Variants in NUTM1 observed in about 807,000 individuals in gnomAD.
The protein encoded by NUTM1 is NUT midline carcinoma family member 1.
In NUTM1, 39 loss-of-function variants were observed where a neutral mutation model predicts 88.7. That is an observed-to-expected ratio of 0.44 (90% CI 0.34 to 0.57). NUTM1 has a LOEUF of 0.57. NUTM1 is among the 20% of genes least tolerant of loss of function. The probability of loss-of-function intolerance (pLI) is 0.01; values close to 1 mark genes in which losing one functional copy is unlikely to be tolerated. For synonymous variants in NUTM1, 494 were observed against 538.0 expected, an observed-to-expected ratio of 0.92 and a Z score of 1.13; for missense variants, 1,350 against 1,414.5, an observed-to-expected ratio of 0.95 and a Z score of 0.73.
intron 4 of NUTM1, among the ~76,000 whole-genome samples, chr15:34,351,093 TGGC>T (rs1890699255): frequency 6.7e-6 from 1 of 149,656 alleles, no homozygotes; most frequent in Non-Finnish European, 1.5e-5. Context: ...CCGGGCATGG[TGGC>T]ATGTGCCTGT....
chr15:34,356,770 C>G lies in NUTM1; in HGVS notation c.2762C>G (p.Pro921Arg). Residue 921 changes from proline to arginine, a missense_variant, in exon 8 of 8, where the codon CCT becomes CGT. By Grantham distance (103) the Pro-to-Arg change is moderately radical. Coordinates refer to ENST00000537011, the MANE Select transcript of NUTM1 (RefSeq NM_001284292.2). Reference protein sequence around the residue: ...EAGSRGNSFSPLLETIEPVNI... With the variant: ...EAGSRGNSFSRLLETIEPVNI... ...GGGAGCAGAGGCAATTCCTTTTCTC[C>G]TCTGTTGGAAACCATAGAACCTGTC... 1 of 1,612,272 alleles carries G rather than the reference C, an allele frequency of 6.2e-7. No homozygotes were observed. Among genetic ancestry groups the G allele is most frequent in the Non-Finnish European group, 8.5e-7 (1 of 1,179,536 alleles).
In NUTM1 at chr15:34,350,755, G is replaced by A. The variant is rs1890689466; in HGVS notation, c.861G>A (p.Glu287=). Reference sequence around the variant, plus strand: ...TGAAGCCCACTATGACCCTGGAGGAGGGACTGCCATTGGCTGTGCAGGAGT... The same window carrying A: ...TGAAGCCCACTATGACCCTGGAGGAAGGACTGCCATTGGCTGTGCAGGAGT... The part of the protein sequence containing the change: ...ARLKPTMTLE[E]GLPLAVQEWE... Residue 287 remains glutamate (E), a synonymous_variant, in exon 4 of 8, where the codon GAG becomes GAA. Transcript: ENST00000537011. 1.2e-6 allele frequency: 2 copies of A among 1,613,840 alleles called. No individual in the cohort carries two copies. The highest frequency in any genetic ancestry group is 1.7e-6 in the Non-Finnish European group (2 of 1,179,994).
Position 34,343,504 on chromosome 15 carries a change from C to G in NUTM1, c.-193C>G. 1.5e-6 allele frequency: 2 copies of G among 1,326,652 alleles called. No homozygotes were observed. Among genetic ancestry groups the G allele is most frequent in the Non-Finnish European group, 2.0e-6 (2 of 979,196 alleles). The allele number at this position is 1,326,652 out of a possible 1,614,324, so 82.2% of individuals were successfully genotyped here. A position where few individuals can be genotyped will look rare whatever the true frequency, so the allele number is the denominator to read the frequency against. On this transcript the variant is annotated 5_prime_UTR_variant, in exon 1 of 8. Transcript: ENST00000537011. ...CCCTAGGGAAGAAAGAAGAGGTTTT[C>G]TTCCCTCCCCTCTTTTACATCCAGT...
chr15:34,351,388 A>G (rs1292918382), intron 4 of NUTM1, among the ~76,000 whole-genome samples: 3 of 151,454 alleles, frequency 2.0e-5, no homozygotes, highest in Non-Finnish European at 2.9e-5. Context: ...TCACAAAAAA[A>G]AAAAAAAGAA....
rs550004177 is a variant in NUTM1 at position 34,350,655 on chromosome 15, T to A, written c.810-49T>A. 59 of 1,591,684 alleles carry A rather than the reference T, an allele frequency of 3.7e-5. No individual in the cohort carries two copies. The South Asian group carries it at 6.3e-4, about 17-fold the overall frequency. ...TTATTGATGTAGGTGTCAGGGCAGGTGGATGGGAGCACACTTTTAGAATGT... is the reference window on the plus strand; with the variant it reads ...TTATTGATGTAGGTGTCAGGGCAGGAGGATGGGAGCACACTTTTAGAATGT... On this transcript the variant is annotated intron_variant, in intron 3 of 7. Coordinates refer to ENST00000537011, the MANE Select transcript of NUTM1 (RefSeq NM_001284292.2).
At chr15:34,344,642 G>T (rs1044069624) in intron 1 of NUTM1, among the ~76,000 whole-genome samples, 1 of 152,164 alleles carries the variant, frequency 6.6e-6, no homozygotes, top group Non-Finnish European at 1.5e-5. Context: ...AAGGGGTAAG[G>T]GTTGGGAGGC....
At chr15:34,353,710 G>T (rs771528568) in intron 4 of NUTM1, 26 bp from the exon 5 acceptor site, 1 of 1,613,802 alleles carries the variant, frequency 6.2e-7, no homozygotes, top group South Asian at 1.1e-5. Flanking sequence ...TCTCAGCATT[G>T]CCTATGCCTT....
At chr15:34,353,704 A>T in intron 4 of NUTM1, 32 bp from the exon 5 acceptor site, 9 of 1,613,434 alleles carry the variant, frequency 5.6e-6, no homozygotes, top group Non-Finnish European at 7.6e-6. Flanking sequence ...TCTCCTTCTC[A>T]GCATTGCCTA....
rs1398990262 is a variant in NUTM1, at chr15:34,350,775, A to G, written c.881A>G (p.Gln294Arg). ...TLEEGLPLAV[Q>R]EWEHTSNFDR... is the part of the protein sequence containing the mutation. ...GAGGAGGGACTGCCATTGGCTGTGC[A>G]GGAGTGGGAGCACACCAGCAACTTT... The change falls in exon 4 of 8, where the codon CAG (glutamine) becomes CGG (arginine). Residue 294 changes from glutamine to arginine, a missense_variant. Physicochemically the swap from Gln to Arg is conservative, Grantham distance 43 (BLOSUM62 1). Transcript: ENST00000537011. The G allele has an allele frequency of 6.2e-7, 1 of 1,614,054 alleles. No individual in the cohort carries two copies. Among genetic ancestry groups the G allele is most frequent in the Non-Finnish European group, 8.5e-7 (1 of 1,179,964 alleles).
At position 34,357,602 on chromosome 15, in the gene NUTM1, C is replaced by A; in HGVS notation, c.*111C>A. On this transcript the variant is annotated 3_prime_UTR_variant, in exon 8 of 8. Transcript: ENST00000537011. ...GAGAATCCCAATGTTGAATCTCATC[C>A]CAATGTTGTTTTGTTGTTCTGCAAA... The A allele has an allele frequency of 6.3e-7, 1 of 1,591,618 alleles. No homozygotes were observed.
rs576817548 is a variant in NUTM1, at chr15:34,348,298, T to G, written c.430T>G (p.Ser144Ala). 1.2e-6 allele frequency: 2 copies of G among 1,614,228 alleles called. No individual in the cohort carries two copies. The highest frequency in any genetic ancestry group is 1.7e-6 in the Non-Finnish European group (2 of 1,180,046). The part of the protein sequence containing the change: ...NFILTQTALN[S>A]TAPGTPCGGL... The stretch of plus-strand genomic sequence containing the variant: ...TATCCTTACTCAGACTGCCCTCAAT[T>G]CGACTGCCCCGGGCACTCCCTGTGG... Residue 144 changes from serine (S) to alanine (A), a missense_variant, in exon 3 of 8, where the codon TCG becomes GCG. Coordinates refer to ENST00000537011, the MANE Select transcript of NUTM1 (RefSeq NM_001284292.2).
rs1890847252 is a variant in NUTM1 at position 34,357,670 on chromosome 15, G to A, written c.*179G>A. The A allele has an allele frequency of 6.1e-6, 7 of 1,153,522 alleles. No homozygotes were observed. Among genetic ancestry groups the A allele is most frequent in the African/African-American group, 6.0e-5 (4 of 66,136 alleles). The allele number at this position is 1,153,522 out of a possible 1,614,324, so 71.5% of individuals were successfully genotyped here. A position where few individuals can be genotyped will look rare whatever the true frequency, so the allele number is the denominator to read the frequency against. On this transcript the variant is annotated 3_prime_UTR_variant, in exon 8 of 8. Coordinates refer to ENST00000537011, the MANE Select transcript of NUTM1 (RefSeq NM_001284292.2). Reference sequence around the variant, plus strand: ...GAGAGGTCAGACTGGCTAGGCTGCAGGGGGAATTACCTTTGGAAGGAGCTA... The same window carrying A: ...GAGAGGTCAGACTGGCTAGGCTGCAAGGGGAATTACCTTTGGAAGGAGCTA...
intron 2 of NUTM1, among the ~76,000 whole-genome samples, chr15:34,346,387 G>A (rs1890586328): frequency 6.6e-6 from 1 of 151,590 alleles, no homozygotes; most frequent in African/African-American, 2.4e-5. Context: ...CAAGGGGGAA[G>A]GCCCAAGTTC....
chr15:34,346,099 T>G, intron 2 of NUTM1, 64 bp downstream of exon 2: 1 of 1,525,940 alleles, frequency 6.6e-7, no homozygotes, highest in Non-Finnish European at 9.1e-7. Flanking sequence ...ACAAGCTCTC[T>G]GGGCTGACCT....
Position 34,357,158 on chromosome 15 carries a change from C to T in NUTM1, c.3150C>T (p.Tyr1050=), listed in dbSNP as rs767408998. The change falls in exon 8 of 8, where the codon TAC becomes TAT. Residue 1050 remains tyrosine (Y), a synonymous_variant. Coordinates refer to ENST00000537011, the MANE Select transcript of NUTM1 (RefSeq NM_001284292.2). ...EEDEELSNFA[Y]LLASKLSLSP... ...ATGAGGAACTCTCCAACTTTGCTTA[C>T]CTCTTGGCCTCTAAACTTAGCCTCT... The T allele has an allele frequency of 6.2e-7, 1 of 1,614,168 alleles. No homozygotes were observed. Among genetic ancestry groups the T allele is most frequent in the Admixed American group, 1.7e-5 (1 of 60,014 alleles).
Position 34,355,467 on chromosome 15 carries a change from CT to C in NUTM1, c.1480-20del. On this transcript the variant is annotated intron_variant, in intron 7 of 7. Coordinates refer to ENST00000537011, the MANE Select transcript of NUTM1 (RefSeq NM_001284292.2). This position sits in a 1 kb window ranked among gnomAD's most constrained non-coding sequence, Gnocchi z 4.3. ...CTTTCACAACCACGTATAGAACTGA[CT>C]ATTTGTTCATTTCTTTCAGCTGGTC... is the stretch of plus-strand genomic sequence containing the variant. 6.2e-7 allele frequency: 1 copy of C among 1,613,590 alleles called. No homozygotes were observed. Among genetic ancestry groups the C allele is most frequent in the Non-Finnish European group, 8.5e-7 (1 of 1,179,592 alleles).
chr15:34,346,754 G>A (rs1381772049), intron 2 of NUTM1, among the ~76,000 whole-genome samples: 1 of 147,058 alleles, frequency 6.8e-6, no homozygotes, highest in African/African-American at 2.5e-5. Flanking sequence ...GTGGTGGTTC[G>A]TGCCTGTAAT....
rs750257590 is a variant in NUTM1, at chr15:34,347,966, C to A, written c.101-3C>A. The A allele has an allele frequency of 1.3e-6, 2 of 1,585,138 alleles. No individual in the cohort carries two copies. The highest frequency in any genetic ancestry group is 2.3e-5 in the East Asian group (1 of 44,434). On this transcript the variant is annotated splice_polypyrimidine_tract_variant and splice_region_variant and intron_variant, in intron 2 of 7. Coordinates refer to ENST00000537011, the MANE Select transcript of NUTM1 (RefSeq NM_001284292.2). ...CATTTCTTCTTTTTCTTTGTCTCAA[C>A]AGCATCTGCATTGCCGGGACCGGAT... is the stretch of plus-strand genomic sequence containing the variant.
intron 6 of NUTM1, 23 bp from the exon 7 acceptor site, chr15:34,354,998 T>A (rs1231067999): frequency 1.3e-6 from 2 of 1,553,182 alleles, no homozygotes; most frequent in Admixed American, 1.7e-5. Flanking sequence ...CAGACTTACA[T>A]CGCTTTTCCT....
Sources: gnomAD v4.1 joint callset for allele counts (sites outside exome capture counted in the v4.1 genomes callset) on GRCh38, gnomAD v4.1.1 for gene constraint, Gnocchi (gnomAD v3.1) non-coding constraint, MANE v1.5 for transcripts, NCBI Gene and HGNC (gene_info 2026-07-23, HGNC 2026-07-21) for gene names.